The following WNK2 variants were observed in gnomAD, a reference collection of about 807,000 sequenced individuals.
WNK2 encodes serine/threonine-protein kinase WNK2.
In WNK2, 67 loss-of-function variants were observed where a neutral mutation model predicts 192.1. The ratio of observed to expected loss-of-function variants is 0.35; its 90% CI spans 0.29 to 0.43. The LOEUF (loss-of-function observed/expected upper bound fraction) is 0.43, where lower values mean the gene tolerates loss of function less well. WNK2 is among the 20% of genes least tolerant of loss of function. The pLI, the probability that WNK2 is intolerant of heterozygous loss-of-function variation, is 1.00. For synonymous variants in WNK2, 1,439 were observed against 1,393.9 expected (o/e 1.03, Z -0.72); for missense variants, 2,698 against 3,089.7 (o/e 0.87, Z 3.01).
At position 93,253,011 on chromosome 9, in the gene WNK2, C is replaced by A. The variant is rs561344476; in HGVS notation, c.1963C>A (p.Pro655Thr). Residue 655 changes from proline (P) to threonine (T), a missense_variant, in exon 9 of 30, where the codon CCT (proline) becomes ACT (threonine). Physicochemically the swap from Pro to Thr is conservative, Grantham distance 38. Around this residue, in one of 7 missense-constraint regions of WNK2, gnomAD observed 893 missense variants for 909.0 expected, o/e 0.98. Coordinates refer to ENST00000427277, the MANE Select transcript of WNK2 (RefSeq NM_006648.4). The stretch of plus-strand genomic sequence containing the variant: ...CCCGGCCCAGTGTGTGTGCAGCCCC[C>A]CTGTGAGCGAGGGGCCCGTCCTGCC... Reference protein sequence around the residue: ...PSPAQCVCSPPVSEGPVLPQS... With the variant: ...PSPAQCVCSPTVSEGPVLPQS... The A allele has an allele frequency of 4.5e-6, 7 of 1,556,498 alleles. No homozygotes were observed. Among genetic ancestry groups the A allele is most frequent in the Non-Finnish European group, 6.1e-6 (7 of 1,152,398 alleles).
At chr9:93,305,941 T>C (rs1280898650) in intron 26 of WNK2, among the ~76,000 whole-genome samples, 3 of 152,124 alleles carry the variant, frequency 2.0e-5, no homozygotes, top group African/African-American at 7.2e-5. Flanking sequence ...TGCCTGCCTA[T>C]AGGATAAGCA....
chr9:93,263,515 C>A, intron 14 of WNK2, 51 bp from the exon 15 acceptor site: 2 of 1,593,754 alleles, frequency 1.3e-6, no homozygotes, highest in Non-Finnish European at 1.7e-6. Context: ...CCGCCATTGC[C>A]GACGTGCTGG....
At position 93,256,286 on chromosome 9, in the gene WNK2, G is replaced by C; in HGVS notation, c.2035-13G>C. 1 of 1,532,950 alleles carries C rather than the reference G, an allele frequency of 6.5e-7. No individual in the cohort carries two copies. Among genetic ancestry groups the C allele is most frequent in the Non-Finnish European group, 8.7e-7 (1 of 1,145,622 alleles). 95.0% of individuals were successfully genotyped at this position (1,532,950 alleles called of 1,614,324 possible). A position where few individuals can be genotyped will look rare whatever the true frequency, so the allele number is the denominator to read the frequency against. On this transcript the variant is annotated splice_polypyrimidine_tract_variant and intron_variant, in intron 9 of 29. Transcript: ENST00000427277. ...AGAGCTGCTGCTGAGTGTGGCCCTG[G>C]TGCTCTCTGCAGCCTGGCTTGCCGG...
intron 23 of WNK2, among the ~76,000 whole-genome samples, 155 bp downstream of exon 23, chr9:93,293,328 T>C (rs1485931998): frequency 6.6e-6 from 1 of 150,580 alleles, no homozygotes; most frequent in Admixed American, 6.6e-5. Context: ...AAGGCTTTTT[T>C]TTTTTTTTTT....
At chr9:93,240,559 C>T (rs941751118) in intron 7 of WNK2, among the ~76,000 whole-genome samples, 6 of 151,954 alleles carry the variant, frequency 3.9e-5, no homozygotes, top group African/African-American at 9.7e-5. Flanking sequence ...GGGGTGTCAT[C>T]GAGGCCTCAT....
chr9:93,276,897 G>A lies in WNK2; in HGVS notation c.4033+8151G>A, dbSNP rs192455515. Among the ~76,000 whole-genome samples, 6 of 152,210 alleles carry A rather than the reference G, an allele frequency of 3.9e-5. No homozygotes were observed. The East Asian group carries it at 5.8e-4, about 15-fold the overall frequency. Reference sequence around the variant, plus strand: ...CTAAAAATACAAAAATTAGCCGGCCGTGGTGGCGGGCACCTGTAATCCCAG... The same window carrying A: ...CTAAAAATACAAAAATTAGCCGGCCATGGTGGCGGGCACCTGTAATCCCAG... On this transcript the variant is annotated intron_variant, in intron 19 of 29. Coordinates refer to ENST00000427277, the MANE Select transcript of WNK2 (RefSeq NM_006648.4).
chr9:93,252,176 G>A (rs568924314), intron 8 of WNK2, among the ~76,000 whole-genome samples: 1 of 152,312 alleles, frequency 6.6e-6, no homozygotes, highest in South Asian at 2.1e-4. Flanking sequence ...GATGTTCCCA[G>A]GCACACCGTA....
At position 93,239,720 on chromosome 9, in the gene WNK2, C is replaced by T. The variant is rs1016117341; in HGVS notation, c.1323-37C>T. On this transcript the variant is annotated intron_variant, in intron 6 of 29. Transcript: ENST00000427277. The surrounding 1 kb of genome is among the most constrained non-coding windows in gnomAD (Gnocchi z 4.2). ...AGGAGCCTGGGCATGGAGGCCCTGG[C>T]GCCCGTGCCCCTGCCTGTCAGCTGC... 36 of 1,528,558 alleles carry T rather than the reference C, an allele frequency of 2.4e-5. 1 individual carries two copies. In the Admixed American group the frequency reaches 2.8e-4, roughly 12 times the overall value. 94.7% of individuals were successfully genotyped at this position (1,528,558 alleles called of 1,614,324 possible).
Position 93,317,526 on chromosome 9 carries a change from G to A in WNK2, c.6523G>A (p.Ala2175Thr), listed in dbSNP as rs1313135952. Reference protein sequence around the residue: ...AAPGEARAMTAPRAGVGMPRL... With the variant: ...AAPGEARAMTTPRAGVGMPRL... ...TCGTCTCTGTGTTTTGTAGATGACC[G>A]CACCTCGAGCAGGAGTGGGGATGCC... Residue 2175 changes from alanine (A) to threonine (T), a missense_variant, in exon 29 of 30, where the codon GCA becomes ACA. This residue lies in a region of WNK2 where 167 missense variants were observed against 184.2 expected (regional missense o/e 0.91). Transcript: ENST00000427277. 22 of 1,613,476 alleles carry A rather than the reference G, an allele frequency of 1.4e-5. No homozygotes were observed. Among genetic ancestry groups the A allele is most frequent in the East Asian group, 4.5e-5 (2 of 44,890 alleles).
intron 2 of WNK2, among the ~76,000 whole-genome samples, chr9:93,208,131 T>G (rs1181543141): frequency 1.3e-5 from 2 of 152,186 alleles, no homozygotes; most frequent in Non-Finnish European, 2.9e-5. Flanking sequence ...TTTGGTTGGT[T>G]TCACTGTGGC....
At chr9:93,249,214 T>C (rs1479608155) in intron 8 of WNK2, among the ~76,000 whole-genome samples, 1 of 152,198 alleles carries the variant, frequency 6.6e-6, no homozygotes. Flanking sequence ...GTTAAATAAT[T>C]CCTAGGATGG....
chr9:93,298,152 A>G, intron 24 of WNK2, 85 bp downstream of exon 24: 1 of 1,424,338 alleles, frequency 7.0e-7, no homozygotes, highest in Non-Finnish European at 9.5e-7. Context: ...TGCAGGTGTG[A>G]CACCCTCGGA....
intron 2 of WNK2, among the ~76,000 whole-genome samples, chr9:93,188,674 C>G (rs543412242): frequency 1.3e-5 from 2 of 152,336 alleles, no homozygotes; most frequent in Admixed American, 6.5e-5. Context: ...CTGGTTCCCC[C>G]ACAGACCCCT....
At chr9:93,262,203 G>T in intron 13 of WNK2, 96 bp downstream of exon 13, 2 of 1,425,886 alleles carry the variant, frequency 1.4e-6, no homozygotes, top group Non-Finnish European at 1.9e-6. Context: ...AGAGGTCGGG[G>T]TTGCTTAGCT....
rs896919448 is a variant in WNK2, at chr9:93,290,121, G to A, written c.4936+74G>A. On this transcript the variant is annotated intron_variant, in intron 21 of 29. Transcript: ENST00000427277. ...CCTTGCCCCAGAACCTTCTGCATCC[G>A]CACCCTCGTCTTTCATCTGTTAAGG... 214 of 1,332,524 alleles carry A rather than the reference G, an allele frequency of 1.6e-4. 2 individuals are homozygous for A. In the East Asian group the frequency reaches 4.9e-3, roughly 31 times the overall value. 82.5% of individuals were successfully genotyped at this position (1,332,524 alleles called of 1,614,324 possible). A position where few individuals can be genotyped will look rare whatever the true frequency, so the allele number is the denominator to read the frequency against.
rs1829126525 is a variant in WNK2 at position 93,185,498 on chromosome 9, T to C, written c.569T>C (p.Leu190Pro). ...GACCTCAAGGCCGTGGCCACCTCTC[T>C]GGACGGCCGCTTCCTCAAGTTCGAC... ...EDDLKAVATS[L>P]DGRFLKFDIE... Residue 190 changes from leucine to proline, a missense_variant, in exon 2 of 30, where the codon CTG becomes CCG. This residue lies in a region of WNK2 where 230 missense variants were observed against 501.1 expected (regional missense o/e 0.46). Coordinates refer to ENST00000427277, the MANE Select transcript of WNK2 (RefSeq NM_006648.4). The C allele has an allele frequency of 1.2e-6, 2 of 1,612,902 alleles. No individual in the cohort carries two copies. Among genetic ancestry groups the C allele is most frequent in the Non-Finnish European group, 1.7e-6 (2 of 1,179,754 alleles).
chr9:93,189,827 GC>G (rs1830006159), intron 2 of WNK2, among the ~76,000 whole-genome samples: 1 of 152,202 alleles, frequency 6.6e-6, no homozygotes, highest in African/African-American at 2.4e-5. Context: ...TGCGTGCTTT[GC>G]CCCGATGGCC....
At chr9:93,233,698 T>A in intron 4 of WNK2, among the ~76,000 whole-genome samples, 1 of 68,838 alleles carries the variant, frequency 1.5e-5, no homozygotes. Context: ...TGAGATTCCG[T>A]CTCAAAAAAA....
intron 24 of WNK2, among the ~76,000 whole-genome samples, 176 bp from the exon 25 acceptor site, chr9:93,298,890 ACTTT>A (rs1222543862): frequency 1.3e-5 from 2 of 152,164 alleles, no homozygotes; most frequent in African/African-American, 4.8e-5. Context: ...GAGACTGGGC[ACTTT>A]CTTTGCTCTT....
Sources: gnomAD v4.1 joint callset for allele counts (sites outside exome capture counted in the v4.1 genomes callset) on GRCh38, gnomAD v4.1.1 for gene constraint, gnomAD v4.1.1 regional missense constraint, Gnocchi (gnomAD v3.1) non-coding constraint, MANE v1.5 for transcripts, NCBI Gene and HGNC (gene_info 2026-07-23, HGNC 2026-07-21) for gene names.